RFX3: variants seen among roughly 807,000 people sequenced by gnomAD.
The protein encoded by RFX3 is transcription factor RFX3.
In RFX3, 14 loss-of-function variants were observed where a neutral mutation model predicts 98.6. The ratio of observed to expected loss-of-function variants is 0.14; its 90% CI spans 0.09 to 0.22. The LOEUF (loss-of-function observed/expected upper bound fraction) is 0.22, where lower values mean the gene tolerates loss of function less well. Ranked by LOEUF, RFX3 falls within the 10% of genes least tolerant of loss-of-function variation. RFX3 has a pLI of 1.00. For synonymous variants in RFX3, 383 were observed against 328.4 expected, an observed-to-expected ratio of 1.17 and a Z score of -1.80; for missense variants, 639 against 926.9, an observed-to-expected ratio of 0.69 and a Z score of 4.03.
intron 1 of RFX3, among the ~76,000 whole-genome samples, chr9:3,408,024 C>A (rs963618066): frequency 1.3e-5 from 2 of 152,132 alleles, no homozygotes; most frequent in Non-Finnish European, 2.9e-5. Flanking sequence ...ATAACGCCCA[C>A]TTCTAAAGGA....
intron 1 of RFX3, among the ~76,000 whole-genome samples, chr9:3,454,924 C>T (rs973834374): frequency 6.6e-6 from 1 of 152,136 alleles, no homozygotes; most frequent in Non-Finnish European, 1.5e-5. Context: ...GACTCATACC[C>T]AAGTCTCCCG....
intron 15 of RFX3, among the ~76,000 whole-genome samples, chr9:3,230,998 G>A (rs745630084): frequency 3.9e-5 from 6 of 152,054 alleles, no homozygotes; most frequent in African/African-American, 9.7e-5. Context: ...TACTTAATAC[G>A]AATAATACAT....
chr9:3,500,918 T>C (rs1053852283), intron 1 of RFX3, among the ~76,000 whole-genome samples: 1 of 152,160 alleles, frequency 6.6e-6, no homozygotes, highest in Admixed American at 6.5e-5. Context: ...ACTGGTTACA[T>C]GAATACTTAG....
chr9:3,291,596 T>C (rs115263336), intron 6 of RFX3, among the ~76,000 whole-genome samples: 3,223 of 152,232 alleles, frequency 0.021, 119 homozygotes, highest in African/African-American at 0.073. Flanking sequence ...GCCATCATTT[T>C]TGAAAGCTCC....
intron 2 of RFX3, among the ~76,000 whole-genome samples, chr9:3,365,034 G>T (rs558916049): frequency 3.3e-5 from 5 of 152,238 alleles, no homozygotes; most frequent in African/African-American, 1.2e-4. Flanking sequence ...GGGCGTGGTG[G>T]CTCACGCCTG....
intron 5 of RFX3, among the ~76,000 whole-genome samples, chr9:3,294,398 G>C (rs541299666): frequency 6.6e-6 from 1 of 152,188 alleles, no homozygotes; most frequent in East Asian, 1.9e-4. Context: ...AGAAGCCAAA[G>C]AATTCATTTA....
chr9:3,348,179 G>C (rs1834666907), intron 2 of RFX3, among the ~76,000 whole-genome samples: 1 of 152,106 alleles, frequency 6.6e-6, no homozygotes, highest in Non-Finnish European at 1.5e-5. Flanking sequence ...CTGGCATCTA[G>C]ACTGATAAAC....
intron 1 of RFX3, among the ~76,000 whole-genome samples, chr9:3,442,355 T>G (rs546142296): frequency 6.6e-6 from 1 of 151,662 alleles, no homozygotes; most frequent in South Asian, 2.1e-4. Context: ...TCAGAACCCC[T>G]GTGTAATCAA....
At chr9:3,426,590 C>T (rs13285649) in intron 1 of RFX3, among the ~76,000 whole-genome samples, 52,431 of 151,910 alleles carry the variant, frequency 0.35, 13,876 homozygotes, top group African/African-American at 0.75. Context: ...TCCCCATTGC[C>T]CACATTACTG....
rs1472768498 is a variant in RFX3 at position 3,252,735 on chromosome 9, T to C, written c.1814+4256A>G. On this transcript the variant is annotated intron_variant, in intron 14 of 16. Transcript: ENST00000617270. The stretch of plus-strand genomic sequence containing the variant: ...TCTGAGTGTTTTGGAAACTTTTGGA[T>C]GGTTAGGCAATCACCTGATTTCAGC... 2.0e-5 allele frequency among the ~76,000 whole-genome samples: 3 copies of C among 152,130 alleles called. No homozygotes were observed. In the East Asian group the frequency reaches 5.8e-4, roughly 29 times the overall value.
At chr9:3,518,193 T>C (rs1818361343) in intron 1 of RFX3, among the ~76,000 whole-genome samples, 1 of 152,170 alleles carries the variant, frequency 6.6e-6, no homozygotes. Context: ...CACACAATGA[T>C]GAAATCACCT....
Position 3,425,856 on chromosome 9 carries a change from A to G in RFX3, c.-8-30260T>C, listed in dbSNP as rs533865150. On this transcript the variant is annotated intron_variant, in intron 1 of 16. Transcript: ENST00000617270. ...TCTTTAATTTTCTTCTAAGTTAATC[A>G]GATTGAATAAATTTCACTGATATGC... Among the ~76,000 whole-genome samples, 5 of 152,330 alleles carry G rather than the reference A, an allele frequency of 3.3e-5. No individual in the cohort carries two copies. The East Asian group carries it at 9.6e-4, about 29-fold the overall frequency.
chr9:3,445,316 A>T (rs963476738), intron 1 of RFX3, among the ~76,000 whole-genome samples: 9 of 147,842 alleles, frequency 6.1e-5, no homozygotes, highest in African/African-American at 2.2e-4. Flanking sequence ...AGTTCAATGC[A>T]TAATAGTAAT....
At chr9:3,419,757 A>G (rs919056526) in intron 1 of RFX3, among the ~76,000 whole-genome samples, 13 of 152,266 alleles carry the variant, frequency 8.5e-5, no homozygotes, top group African/African-American at 3.1e-4. Context: ...GTTACACTGT[A>G]TTTTTCATTT....
intron 1 of RFX3, among the ~76,000 whole-genome samples, chr9:3,473,198 T>C (rs1024320826): frequency 2.6e-5 from 4 of 152,176 alleles, no homozygotes; most frequent in Admixed American, 6.5e-5. Flanking sequence ...GTAGGCACTA[T>C]AAGCCAGGGC....
chr9:3,297,730 A>C (rs1828163852), intron 5 of RFX3, among the ~76,000 whole-genome samples: 1 of 151,988 alleles, frequency 6.6e-6, no homozygotes, highest in Non-Finnish European at 1.5e-5. Context: ...GTATTTTGGT[A>C]GCTAAAACCA....
At chr9:3,343,455 C>T (rs1742535978) in intron 3 of RFX3, among the ~76,000 whole-genome samples, 1 of 152,070 alleles carries the variant, frequency 6.6e-6, no homozygotes, top group African/African-American at 2.4e-5. Context: ...TCCTAACGTA[C>T]ATGGAAGTGT....
rs1272625561 is a variant in RFX3 at position 3,275,509 on chromosome 9, C to T, written c.1077G>A (p.Glu359=). 6.3e-7 allele frequency: 1 copy of T among 1,584,348 alleles called. No homozygotes were observed. Among genetic ancestry groups the T allele is most frequent in the African/African-American group, 1.3e-5 (1 of 74,296 alleles). ...DIKSLQSLYR[E]HCEAILDVVV... ...ATTTGAAAAGACTTACCTCACAGTGCTCTCTATAAAGACTCTGCAGTGACT... is the reference window on the plus strand; with the variant it reads ...ATTTGAAAAGACTTACCTCACAGTGTTCTCTATAAAGACTCTGCAGTGACT... Residue 359 remains glutamate, a synonymous_variant, in exon 9 of 17, where the codon GAG becomes GAA. Transcript: ENST00000617270.
In RFX3 at chr9:3,424,363, T is replaced by G. The variant is rs1409417770; in HGVS notation, c.-8-28767A>C. 1.0e-4 allele frequency among the ~76,000 whole-genome samples: 11 copies of G among 107,752 alleles called. 1 individual carries two copies. Among genetic ancestry groups the G allele is most frequent in the African/African-American group, 4.1e-4 (11 of 27,146 alleles). The allele number at this position is 107,752 out of a possible 152,430, so 70.7% of individuals were successfully genotyped here. ...ACATAATTGACTTTTTTTTTTTTTTTTTTTTTTTTTTTTTTTGAGACGGAG... is the reference window on the plus strand; with the variant it reads ...ACATAATTGACTTTTTTTTTTTTTTGTTTTTTTTTTTTTTTTGAGACGGAG... On this transcript the variant is annotated intron_variant, in intron 1 of 16. Coordinates refer to ENST00000617270, the MANE Select transcript of RFX3 (RefSeq NM_001282116.2).
Sources: gnomAD v4.1 joint callset for allele counts (sites outside exome capture counted in the v4.1 genomes callset) on GRCh38, gnomAD v4.1.1 for gene constraint, MANE v1.5 for transcripts, NCBI Gene and HGNC (gene_info 2026-07-23, HGNC 2026-07-21) for gene names.